The following SAMD4A variants were observed in gnomAD, a reference collection of about 807,000 sequenced individuals.
The protein encoded by SAMD4A is sterile alpha motif domain containing 4A, also known as protein Smaug homolog 1.
SAMD4A carries 33 observed loss-of-function variants against 81.3 expected under a neutral mutation model. The ratio of observed to expected loss-of-function variants is 0.41; its 90% CI spans 0.31 to 0.54. SAMD4A has a LOEUF of 0.54. SAMD4A is among the 20% of genes least tolerant of loss of function. SAMD4A has a pLI of 0.37. For missense variants in SAMD4A, 854 were observed against 951.1 expected, an observed-to-expected ratio of 0.90 and a Z score of 1.34; for synonymous variants, 389 against 382.1, an observed-to-expected ratio of 1.02 and a Z score of -0.21.
At chr14:54,625,321 G>A (rs996310961) in intron 2 of SAMD4A, among the ~76,000 whole-genome samples, 6 of 152,302 alleles carry the variant, frequency 3.9e-5, no homozygotes, top group African/African-American at 7.2e-5. Context: ...GACTTGCTGC[G>A]CAATTACTCC....
intron 7 of SAMD4A, among the ~76,000 whole-genome samples, chr14:54,761,534 G>A (rs2038398402): frequency 6.6e-6 from 1 of 152,140 alleles, no homozygotes; most frequent in African/African-American, 2.4e-5. Flanking sequence ...TGGCTTCTGA[G>A]CCTTTGTGCA....
intron 11 of SAMD4A, among the ~76,000 whole-genome samples, chr14:54,780,421 G>A (rs186252718): frequency 5.3e-4 from 81 of 152,232 alleles, no homozygotes; most frequent in South Asian, 6.2e-4. Context: ...ATTTCCTTCC[G>A]GAGAACTGCC....
At chr14:54,776,935 C>T (rs1347686224) in intron 11 of SAMD4A, among the ~76,000 whole-genome samples, 1 of 152,118 alleles carries the variant, frequency 6.6e-6, no homozygotes, top group East Asian at 1.9e-4. Context: ...GATGCTGAGA[C>T]CTTCCCCCTG....
At chr14:54,719,399 G>T (rs1044845796) in intron 3 of SAMD4A, among the ~76,000 whole-genome samples, 1 of 152,156 alleles carries the variant, frequency 6.6e-6, no homozygotes. Flanking sequence ...ATCATTCAAA[G>T]TTGAGTCTGA....
chr14:54,733,867 C>T (rs1409387514), intron 3 of SAMD4A, among the ~76,000 whole-genome samples: 1 of 151,930 alleles, frequency 6.6e-6, no homozygotes, highest in Non-Finnish European at 1.5e-5. Flanking sequence ...CCATATGACC[C>T]TCTGTTTGTC....
At chr14:54,744,547 A>G (rs1349491149) in intron 4 of SAMD4A, among the ~76,000 whole-genome samples, 3 of 152,240 alleles carry the variant, frequency 2.0e-5, no homozygotes, top group Admixed American at 1.3e-4. Context: ...AATGACCATG[A>G]GAAGATAAAT....
chr14:54,761,087 C>T (rs758597552), intron 7 of SAMD4A, among the ~76,000 whole-genome samples: 10 of 152,210 alleles, frequency 6.6e-5, no homozygotes, highest in African/African-American at 2.4e-4. Flanking sequence ...TCTCTCTTCA[C>T]GGCTGGCCTG....
chr14:54,588,561 A>G (rs1351756966), intron 2 of SAMD4A, among the ~76,000 whole-genome samples: 2 of 152,076 alleles, frequency 1.3e-5, no homozygotes, highest in African/African-American at 2.4e-5. Flanking sequence ...TGGGCCAATG[A>G]GTGCTCCTGT....
chr14:54,756,271 G>A (rs1282998444), intron 6 of SAMD4A, among the ~76,000 whole-genome samples: 2 of 152,090 alleles, frequency 1.3e-5, no homozygotes, highest in African/African-American at 2.4e-5. Context: ...AAAGAAACTC[G>A]AGTGAGTCCA....
At chr14:54,738,842 TCA>T (rs2037767237) in intron 4 of SAMD4A, among the ~76,000 whole-genome samples, 1 of 152,124 alleles carries the variant, frequency 6.6e-6, no homozygotes, top group East Asian at 1.9e-4. Context: ...CAGGTGAAGT[TCA>T]GTGTCTGTTT....
At chr14:54,689,080 C>T (rs1417592194) in intron 2 of SAMD4A, among the ~76,000 whole-genome samples, 1 of 151,878 alleles carries the variant, frequency 6.6e-6, no homozygotes, top group Non-Finnish European at 1.5e-5. Context: ...TAAAGGCGCC[C>T]GCCACCATGC....
At chr14:54,634,166 A>G (rs1428967436) in intron 2 of SAMD4A, among the ~76,000 whole-genome samples, 1 of 151,570 alleles carries the variant, frequency 6.6e-6, no homozygotes, top group East Asian at 1.9e-4. Context: ...TATGCCTGTA[A>G]TCCCAGCTAC....
At chr14:54,716,904 G>T (rs2037133471) in intron 3 of SAMD4A, among the ~76,000 whole-genome samples, 1 of 152,142 alleles carries the variant, frequency 6.6e-6, no homozygotes, top group Non-Finnish European at 1.5e-5. Context: ...GCCCCTCTCA[G>T]TGGTGCTTCT....
chr14:54,613,053 G>T (rs552263521), intron 2 of SAMD4A, among the ~76,000 whole-genome samples: 1 of 152,138 alleles, frequency 6.6e-6, no homozygotes, highest in South Asian at 2.1e-4. Flanking sequence ...GGAGGCGGAG[G>T]TTGCAGTGAG....
intron 2 of SAMD4A, among the ~76,000 whole-genome samples, chr14:54,607,149 T>C (rs1312638397): frequency 6.6e-6 from 1 of 152,174 alleles, no homozygotes; most frequent in Non-Finnish European, 1.5e-5. Flanking sequence ...GGTCAGAGAA[T>C]GGAGCAGAAG....
chr14:54,752,438 T>G (rs896871873), intron 6 of SAMD4A, among the ~76,000 whole-genome samples: 2 of 152,200 alleles, frequency 1.3e-5, no homozygotes, highest in African/African-American at 4.8e-5. Context: ...CTGCAGAGCT[T>G]TAGAGGTAAC....
At chr14:54,738,818 A>T (rs144721805) in intron 4 of SAMD4A, among the ~76,000 whole-genome samples, 223 of 152,284 alleles carry the variant, frequency 1.5e-3, no homozygotes, top group Non-Finnish European at 2.7e-3. Flanking sequence ...CGTTGCTTTT[A>T]ACTAGCTTCT....
chr14:54,575,247 A>G (rs2140123209), intron 2 of SAMD4A, among the ~76,000 whole-genome samples: 1 of 152,210 alleles, frequency 6.6e-6, no homozygotes, highest in Middle Eastern at 3.4e-3. Context: ...TGGCCAGCAG[A>G]TCTGGGATCA....
At chr14:54,781,036 T>G (rs925531165) in intron 11 of SAMD4A, among the ~76,000 whole-genome samples, 1 of 152,160 alleles carries the variant, frequency 6.6e-6, no homozygotes, top group Non-Finnish European at 1.5e-5. Context: ...CAGGTCCCAC[T>G]GCTCTGTCCC....
Sources: allele counts gnomAD v4.1 joint callset (sites outside exome capture counted in the v4.1 genomes callset), GRCh38; gene constraint gnomAD v4.1.1; transcripts MANE v1.5; gene names NCBI Gene and HGNC (gene_info 2026-07-23, HGNC 2026-07-21).